Variants in PRDM16 observed in about 807,000 individuals in gnomAD.
PRDM16 encodes histone-lysine N-methyltransferase PRDM16.
Under a neutral mutation model 110.6 loss-of-function variants are expected in PRDM16, and 23 were observed. The ratio of observed to expected loss-of-function variants is 0.21; its 90% CI spans 0.15 to 0.29. The LOEUF is 0.29. Ranked by LOEUF, PRDM16 falls within the 10% of genes least tolerant of loss-of-function variation. PRDM16 has a pLI of 1.00. For missense variants in PRDM16, 1,615 were observed against 1,794.3 expected, an observed-to-expected ratio of 0.90 and a Z score of 1.81; for synonymous variants, 799 against 781.8, an observed-to-expected ratio of 1.02 and a Z score of -0.37.
intron 1 of PRDM16, among the ~76,000 whole-genome samples, chr1:3,100,748 C>A (rs934113795): frequency 3.9e-5 from 6 of 152,038 alleles, no homozygotes; most frequent in Non-Finnish European, 8.8e-5. Context: ...CTGGTGGGTC[C>A]TGTGGGGTGG....
chr1:3,347,597 G>A (rs886168009), intron 3 of PRDM16, among the ~76,000 whole-genome samples: 1 of 152,254 alleles, frequency 6.6e-6, no homozygotes, highest in African/African-American at 2.4e-5. Flanking sequence ...TGCTGGGGAA[G>A]GTCAGTCCTC....
At position 3,103,322 on chromosome 1, in the gene PRDM16, C is replaced by A. The variant is rs534645813; in HGVS notation, c.37+34026C>A. On this transcript the variant is annotated intron_variant, in intron 1 of 16. Coordinates refer to ENST00000270722, the MANE Select transcript of PRDM16 (RefSeq NM_022114.4). Reference sequence around the variant, plus strand: ...TCTTCACATGGTCATCCCTTTGCATCTGCATCCTCATCTTCTAAGGGCACC... The same window carrying A: ...TCTTCACATGGTCATCCCTTTGCATATGCATCCTCATCTTCTAAGGGCACC... Among the ~76,000 whole-genome samples the A allele has an allele frequency of 1.1e-4, 17 of 152,338 alleles. No individual in the cohort carries two copies. In the South Asian group the frequency reaches 3.3e-3, roughly 30 times the overall value.
chr1:3,402,392 T>C (rs1476719086), intron 5 of PRDM16, among the ~76,000 whole-genome samples: 1 of 152,262 alleles, frequency 6.6e-6, no homozygotes, highest in African/African-American at 2.4e-5. Context: ...GACAATAATT[T>C]ATTATATGCA....
chr1:3,108,198 G>C (rs1642710476), intron 1 of PRDM16, among the ~76,000 whole-genome samples: 1 of 152,250 alleles, frequency 6.6e-6, no homozygotes, highest in Non-Finnish European at 1.5e-5. Context: ...TTTGTCCTTA[G>C]AGCTTTGCTT....
In PRDM16 at chr1:3,286,905, C is replaced by T. The variant is rs1221077751; in HGVS notation, c.438+42768C>T. 3.3e-5 allele frequency among the ~76,000 whole-genome samples: 5 copies of T among 151,286 alleles called. No individual in the cohort carries two copies. In the East Asian group the frequency reaches 9.7e-4, roughly 29 times the overall value. On this transcript the variant is annotated intron_variant, in intron 3 of 16. Coordinates refer to ENST00000270722, the MANE Select transcript of PRDM16 (RefSeq NM_022114.4). Reference sequence around the variant, plus strand: ...GGACTCAAAGCTGGGTCTGCCCACCCTTCCTGGGTGCTGGGACTCAAAGCT... The same window carrying T: ...GGACTCAAAGCTGGGTCTGCCCACCTTTCCTGGGTGCTGGGACTCAAAGCT...
At chr1:3,322,204 C>CGT (rs376276591) in intron 3 of PRDM16, among the ~76,000 whole-genome samples, 6 of 148,442 alleles carry the variant, frequency 4.0e-5, no homozygotes, top group African/African-American at 1.5e-4. Context: ...TGGGTGTGCA[C>CGT]GTGTGTGTGT....
At chr1:3,161,027 C>A (rs1643892736) in intron 1 of PRDM16, among the ~76,000 whole-genome samples, 1 of 152,162 alleles carries the variant, frequency 6.6e-6, no homozygotes, top group Non-Finnish European at 1.5e-5. Flanking sequence ...AGACTGGTAA[C>A]CCCCACCTCC....
chr1:3,342,228 G>A (rs1036162608), intron 3 of PRDM16, among the ~76,000 whole-genome samples: 3 of 152,180 alleles, frequency 2.0e-5, no homozygotes, highest in Non-Finnish European at 4.4e-5. Context: ...TTGGGAGAAT[G>A]AATGAACATA....
intron 1 of PRDM16, among the ~76,000 whole-genome samples, chr1:3,180,968 T>G (rs80145477): frequency 0.12 from 15,776 of 130,058 alleles, 1,652 homozygotes; most frequent in African/African-American, 0.3. Flanking sequence ...TCTTACACAC[T>G]CGGTCTTACA....
chr1:3,262,884 G>C (rs1287665951), intron 3 of PRDM16, among the ~76,000 whole-genome samples: 1 of 151,796 alleles, frequency 6.6e-6, no homozygotes, highest in Non-Finnish European at 1.5e-5. Flanking sequence ...GTCCCAGGGA[G>C]GACACCTGCG....
At chr1:3,398,947 C>T (rs1460593136) in intron 5 of PRDM16, among the ~76,000 whole-genome samples, 3 of 152,176 alleles carry the variant, frequency 2.0e-5, no homozygotes, top group Admixed American at 6.5e-5. Flanking sequence ...TCGGGAGAAC[C>T]GAGCCTCTGC....
chr1:3,108,029 A>G (rs1041144211), intron 1 of PRDM16, among the ~76,000 whole-genome samples: 1 of 152,274 alleles, frequency 6.6e-6, no homozygotes, highest in African/African-American at 2.4e-5. Flanking sequence ...ACACCAGGCC[A>G]TGCCAAACTG....
chr1:3,126,440 G>A (rs918472073), intron 1 of PRDM16, among the ~76,000 whole-genome samples: 5 of 152,204 alleles, frequency 3.3e-5, no homozygotes, highest in Admixed American at 3.3e-4. Flanking sequence ...GACAGGCCTG[G>A]CTACCTGCAG....
intron 3 of PRDM16, among the ~76,000 whole-genome samples, chr1:3,336,473 T>C (rs890527696): frequency 1.3e-5 from 2 of 151,086 alleles, no homozygotes; most frequent in East Asian, 2.0e-4. Context: ...TGTGTGCACA[T>C]ACATACACAT....
intron 1 of PRDM16, among the ~76,000 whole-genome samples, chr1:3,085,041 C>T (rs550305072): frequency 6.6e-6 from 1 of 152,216 alleles, no homozygotes; most frequent in South Asian, 2.1e-4. Flanking sequence ...TTTTCCTGCA[C>T]CCCTTGGTCC....
At chr1:3,217,655 A>C (rs1375971648) in intron 2 of PRDM16, among the ~76,000 whole-genome samples, 1 of 152,176 alleles carries the variant, frequency 6.6e-6, no homozygotes, top group Non-Finnish European at 1.5e-5. Context: ...GTCCAGAAGC[A>C]GCGTTTTCAC....
chr1:3,229,890 C>G (rs1224870997), intron 2 of PRDM16, among the ~76,000 whole-genome samples: 1 of 152,218 alleles, frequency 6.6e-6, no homozygotes, highest in Non-Finnish European at 1.5e-5. Context: ...AGCAGGGTCT[C>G]TGCCCTTGTT....
chr1:3,248,039 A>AG (rs2100208906), intron 3 of PRDM16, among the ~76,000 whole-genome samples: 1 of 152,368 alleles, frequency 6.6e-6, no homozygotes, highest in East Asian at 1.9e-4. Context: ...GGCCGGGCGA[A>AG]GAGGCTTTGG....
chr1:3,249,272 A>AC (rs1158510910), intron 3 of PRDM16, among the ~76,000 whole-genome samples: 1 of 151,892 alleles, frequency 6.6e-6, no homozygotes, highest in African/African-American at 2.4e-5. Flanking sequence ...AGATGGAGGG[A>AC]CCCTCAAACA....
Sources: allele counts gnomAD v4.1 joint callset (sites outside exome capture counted in the v4.1 genomes callset), GRCh38; gene constraint gnomAD v4.1.1; transcripts MANE v1.5; gene names NCBI Gene and HGNC (gene_info 2026-07-23, HGNC 2026-07-21).